The following PLCB4 variants were observed in gnomAD, a reference collection of about 807,000 sequenced individuals.
The protein encoded by PLCB4 is 1-phosphatidylinositol 4,5-bisphosphate phosphodiesterase beta-4.
A neutral mutation model predicts 178.8 loss-of-function variants in PLCB4; 77 were observed. That is an observed-to-expected ratio of 0.43 (90% CI 0.36 to 0.52). The LOEUF is 0.52. PLCB4 is among the 20% of genes least tolerant of loss of function. The pLI is 0.00. For synonymous variants in PLCB4, 496 were observed against 490.8 expected, an observed-to-expected ratio of 1.01 and a Z score of -0.14; for missense variants, 1,024 against 1,453.4, an observed-to-expected ratio of 0.70 and a Z score of 4.80.
intron 3 of PLCB4, among the ~76,000 whole-genome samples, chr20:9,246,918 A>G (rs1477904667): frequency 6.6e-6 from 1 of 152,198 alleles, no homozygotes; most frequent in Non-Finnish European, 1.5e-5. Context: ...AGGATTACCA[A>G]AGAAATCAGT....
At chr20:9,474,311 T>C (rs1164932995) in intron 38 of PLCB4, among the ~76,000 whole-genome samples, 1 of 152,068 alleles carries the variant, frequency 6.6e-6, no homozygotes. Context: ...ATCTGGTGCA[T>C]AGTACAGGTG....
At chr20:9,450,658 CTTTT>C (rs60982044) in intron 32 of PLCB4, among the ~76,000 whole-genome samples, 8 of 100,274 alleles carry the variant, frequency 8.0e-5, no homozygotes, top group Admixed American at 3.4e-4. Flanking sequence ...CTTTTCTTTT[CTTTT>C]TTTTTTTTTT....
chr20:9,252,250 A>T (rs2094189033), intron 3 of PLCB4, among the ~76,000 whole-genome samples: 1 of 152,228 alleles, frequency 6.6e-6, no homozygotes, highest in Non-Finnish European at 1.5e-5. Context: ...ATCATATGAG[A>T]CACTGCAAGT....
intron 32 of PLCB4, among the ~76,000 whole-genome samples, 162 bp from the exon 33 acceptor site, chr20:9,453,185 G>A (rs868715802): frequency 6.6e-6 from 1 of 152,142 alleles, no homozygotes; most frequent in Non-Finnish European, 1.5e-5. Flanking sequence ...CAAAAAAACC[G>A]GTGTTGAATG....
intron 7 of PLCB4, among the ~76,000 whole-genome samples, chr20:9,351,309 A>G (rs1007819614): frequency 2.6e-5 from 4 of 152,020 alleles, no homozygotes; most frequent in Non-Finnish European, 1.5e-5. Context: ...TATTATTCTT[A>G]TGTGGATCTC....
chr20:9,182,441 G>A (rs187433849), intron 2 of PLCB4, among the ~76,000 whole-genome samples: 46 of 152,220 alleles, frequency 3.0e-4, no homozygotes, highest in Admixed American at 1.9e-3. Flanking sequence ...AGGGTTTTGG[G>A]GAATTTGCTC....
chr20:9,152,610 T>G (rs1309176093), intron 2 of PLCB4, among the ~76,000 whole-genome samples: 1 of 152,214 alleles, frequency 6.6e-6, no homozygotes, highest in Non-Finnish European at 1.5e-5. Context: ...AATGCCTGTA[T>G]GCCCAGGCAA....
intron 34 of PLCB4, among the ~76,000 whole-genome samples, chr20:9,459,251 G>A (rs1324989734): frequency 6.6e-6 from 1 of 152,200 alleles, no homozygotes; most frequent in Admixed American, 6.5e-5. Context: ...AGCTGAGGCA[G>A]GAGAATCGCT....
At chr20:9,154,247 A>T (rs1405266923) in intron 2 of PLCB4, among the ~76,000 whole-genome samples, 4 of 152,120 alleles carry the variant, frequency 2.6e-5, no homozygotes, top group Admixed American at 6.5e-5. Context: ...CTTTAAAAAA[A>T]TTTTTCTTGA....
chr20:9,433,216 C>T (rs2041547144), intron 28 of PLCB4, among the ~76,000 whole-genome samples: 1 of 152,204 alleles, frequency 6.6e-6, no homozygotes, highest in African/African-American at 2.4e-5. Flanking sequence ...ACAAATGGGA[C>T]AACCAGCCTT....
intron 7 of PLCB4, among the ~76,000 whole-genome samples, chr20:9,350,020 C>T (rs889694702): frequency 2.6e-5 from 4 of 152,090 alleles, no homozygotes; most frequent in Admixed American, 2.6e-4. Context: ...GATCTGGAGC[C>T]AGTAATTTAA....
At chr20:9,415,239 T>C (rs1056601489) in intron 25 of PLCB4, among the ~76,000 whole-genome samples, 6 of 152,226 alleles carry the variant, frequency 3.9e-5, no homozygotes, top group Non-Finnish European at 7.3e-5. Flanking sequence ...TTAAAATAGA[T>C]TTTTTATTTC....
chr20:9,073,048 G>C (rs724088), intron 1 of PLCB4, among the ~76,000 whole-genome samples: 1 of 151,866 alleles, frequency 6.6e-6, no homozygotes, highest in African/African-American at 2.4e-5. Flanking sequence ...GGATCTTTTG[G>C]TATGCCTAGG....
chr20:9,446,550 C>T (rs2042424345), intron 32 of PLCB4, among the ~76,000 whole-genome samples: 1 of 152,174 alleles, frequency 6.6e-6, no homozygotes, highest in Admixed American at 6.5e-5. Context: ...TGAATATTTA[C>T]TTGCCTAATA....
intron 3 of PLCB4, among the ~76,000 whole-genome samples, chr20:9,281,846 T>C (rs530859312): frequency 4.9e-4 from 75 of 152,134 alleles, no homozygotes; most frequent in African/African-American, 1.7e-3. Context: ...AAATATTCCA[T>C]GACTACTTTA....
At chr20:9,173,003 C>G (rs1234877618) in intron 2 of PLCB4, among the ~76,000 whole-genome samples, 1 of 152,158 alleles carries the variant, frequency 6.6e-6, no homozygotes, top group Non-Finnish European at 1.5e-5. Flanking sequence ...TAAGAAAAAT[C>G]TCACTCTGAA....
chr20:9,474,966 T>C (rs1229216703), intron 38 of PLCB4, among the ~76,000 whole-genome samples: 1 of 152,216 alleles, frequency 6.6e-6, no homozygotes, highest in Non-Finnish European at 1.5e-5. Context: ...GTTTTTGCTC[T>C]TAAAGCACTT....
At chr20:9,337,664 A>T (rs919462316) in intron 5 of PLCB4, among the ~76,000 whole-genome samples, 2 of 152,210 alleles carry the variant, frequency 1.3e-5, no homozygotes, top group Non-Finnish European at 2.9e-5. Context: ...AAAGTTATAT[A>T]AAAATTAGCA....
chr20:9,093,078 A>G (rs984650841), intron 1 of PLCB4, among the ~76,000 whole-genome samples: 2 of 152,178 alleles, frequency 1.3e-5, no homozygotes, highest in African/African-American at 4.8e-5. Context: ...ATGCTACTTC[A>G]TTCATTCACT....
Sources: allele counts gnomAD v4.1 joint callset (sites outside exome capture counted in the v4.1 genomes callset), GRCh38; gene constraint gnomAD v4.1.1; transcripts MANE v1.5; gene names NCBI Gene and HGNC (gene_info 2026-07-23, HGNC 2026-07-21).